Variants in MKLN1 observed in about 807,000 individuals in gnomAD.
MKLN1 encodes the protein muskelin.
In MKLN1, 18 loss-of-function variants were observed where a neutral mutation model predicts 99.0. The observed-to-expected ratio is 0.18, with a 90% CI of 0.13 to 0.27. The LOEUF (loss-of-function observed/expected upper bound fraction) is 0.27. Ranked by LOEUF, MKLN1 falls within the 10% of genes least tolerant of loss-of-function variation. The pLI, the probability that MKLN1 is intolerant of heterozygous loss-of-function variation, is 1.00. For missense variants in MKLN1, 621 were observed against 875.9 expected (o/e 0.71, Z 3.67); for synonymous variants, 288 against 293.2 (o/e 0.98, Z 0.18).
chr7:131,438,773 G>C (rs949960979), intron 10 of MKLN1, among the ~76,000 whole-genome samples: 1 of 151,794 alleles, frequency 6.6e-6, no homozygotes, highest in African/African-American at 2.4e-5. Flanking sequence ...CTATAACTCT[G>C]TATTGATGAA....
intron 1 of MKLN1, among the ~76,000 whole-genome samples, chr7:131,341,501 C>G (rs896752591): frequency 6.6e-6 from 1 of 152,110 alleles, no homozygotes; most frequent in African/African-American, 2.4e-5. Flanking sequence ...TATATTGTAT[C>G]ATGTATCAGT....
intron 8 of MKLN1, among the ~76,000 whole-genome samples, chr7:131,417,998 C>T (rs547651201): frequency 2.0e-5 from 3 of 152,284 alleles, no homozygotes; most frequent in Non-Finnish European, 4.4e-5. Flanking sequence ...AAGTAAAATA[C>T]TGAGACCTGA....
chr7:131,252,350 A>C (rs1385607847), intron 3 of MKLN1, among the ~76,000 whole-genome samples: 1 of 76,452 alleles, frequency 1.3e-5, no homozygotes, highest in East Asian at 6.0e-4. Context: ...TTTTTTTGAG[A>C]TGGAGTCTTG....
intron 2 of MKLN1, among the ~76,000 whole-genome samples, chr7:131,172,478 G>C (rs1442437653): frequency 6.6e-6 from 1 of 150,974 alleles, no homozygotes; most frequent in Non-Finnish European, 1.5e-5. Context: ...ACCACGCCCG[G>C]CTAATTTTTT....
chr7:131,361,484 C>T (rs759855164), intron 1 of MKLN1, among the ~76,000 whole-genome samples: 9 of 151,656 alleles, frequency 5.9e-5, no homozygotes, highest in Non-Finnish European at 1.0e-4. Flanking sequence ...ACTATCTGCT[C>T]GTATCAAAAT....
chr7:131,438,273 T>G (rs1466785802), intron 10 of MKLN1, among the ~76,000 whole-genome samples: 1 of 151,858 alleles, frequency 6.6e-6, no homozygotes, highest in African/African-American at 2.4e-5. Flanking sequence ...AAAAACAAAT[T>G]TAGTTTTATA....
At chr7:131,206,534 A>AATTATTATTAAT (rs1554536705) in intron 3 of MKLN1, among the ~76,000 whole-genome samples, 4 of 148,350 alleles carry the variant, frequency 2.7e-5, no homozygotes. Context: ...GTATGTGTAT[A>AATTATTATTAAT]ATTATTATTA....
intron 2 of MKLN1, among the ~76,000 whole-genome samples, chr7:131,166,320 G>C (rs1005669884): frequency 2.6e-5 from 4 of 152,068 alleles, no homozygotes; most frequent in East Asian, 1.9e-4. Context: ...GTTTGATTTC[G>C]AGCACATTTA....
At chr7:131,422,181 C>CT (rs1795217823) in intron 8 of MKLN1, among the ~76,000 whole-genome samples, 1 of 152,140 alleles carries the variant, frequency 6.6e-6, no homozygotes, top group South Asian at 2.1e-4. Flanking sequence ...AACATGTTGT[C>CT]TGTTTGCAAA....
intron 1 of MKLN1, among the ~76,000 whole-genome samples, chr7:131,356,349 C>G (rs1799879055): frequency 6.6e-6 from 1 of 152,084 alleles, no homozygotes; most frequent in South Asian, 2.1e-4. Flanking sequence ...CTGACCATCA[C>G]CTGATGGTCG....
chr7:131,357,381 G>A (rs936613715), intron 1 of MKLN1, among the ~76,000 whole-genome samples: 1 of 152,106 alleles, frequency 6.6e-6, no homozygotes, highest in African/African-American at 2.4e-5. Context: ...CTGAGGTGGT[G>A]TTTGTCAGGT....
At chr7:131,274,078 G>A (rs1322684012) in intron 3 of MKLN1, among the ~76,000 whole-genome samples, 1 of 152,118 alleles carries the variant, frequency 6.6e-6, no homozygotes, top group Non-Finnish European at 1.5e-5. Context: ...ACTGTGCTGA[G>A]GTCAGGCTCA....
chr7:131,342,846 T>G (rs1799447571), intron 1 of MKLN1, among the ~76,000 whole-genome samples: 1 of 152,186 alleles, frequency 6.6e-6, no homozygotes, highest in African/African-American at 2.4e-5. Context: ...TTTTAAAAAA[T>G]GTATATTTTT....
At chr7:131,279,066 A>G (rs535184823) in intron 3 of MKLN1, among the ~76,000 whole-genome samples, 1 of 152,330 alleles carries the variant, frequency 6.6e-6, no homozygotes, top group Admixed American at 6.5e-5. Flanking sequence ...TCCAACATAT[A>G]TTACTGAGTG....
At chr7:131,119,822 G>A (rs969705814) in intron 1 of MKLN1, among the ~76,000 whole-genome samples, 1 of 152,182 alleles carries the variant, frequency 6.6e-6, no homozygotes, top group African/African-American at 2.4e-5. Context: ...CCTTGTCTTG[G>A]CTATTCACAT....
intron 2 of MKLN1, among the ~76,000 whole-genome samples, chr7:131,161,950 CGTGT>C (rs71527988): frequency 3.1e-4 from 17 of 55,304 alleles, no homozygotes; most frequent in East Asian, 1.1e-3. Context: ...CATATATATA[CGTGT>C]GTGTGTGTGT....
chr7:131,300,519 T>TAAA (rs572144976), intron 3 of MKLN1, among the ~76,000 whole-genome samples: 17 of 139,060 alleles, frequency 1.2e-4, no homozygotes, highest in East Asian at 6.4e-4. Context: ...TGTCTCTAGT[T>TAAA]AAAAAAAAAA....
At chr7:131,348,511 A>G (rs909751920) in intron 1 of MKLN1, among the ~76,000 whole-genome samples, 1 of 151,830 alleles carries the variant, frequency 6.6e-6, no homozygotes, top group Non-Finnish European at 1.5e-5. Context: ...TAGTTTTAAG[A>G]GTTAACTATA....
chr7:131,176,157 CTA>C (rs1224839330), intron 2 of MKLN1, among the ~76,000 whole-genome samples: 1 of 151,924 alleles, frequency 6.6e-6, no homozygotes, highest in Non-Finnish European at 1.5e-5. Flanking sequence ...GTAACATATC[CTA>C]TATATTTTTA....
Sources: gnomAD v4.1 joint callset for allele counts (sites outside exome capture counted in the v4.1 genomes callset) on GRCh38, gnomAD v4.1.1 for gene constraint, MANE v1.5 for transcripts, NCBI Gene and HGNC (gene_info 2026-07-23, HGNC 2026-07-21) for gene names.